The following RARB variants were observed in gnomAD, a reference collection of about 807,000 sequenced individuals.
RARB encodes retinoic acid receptor beta, also known as HBV-activated protein.
Under a neutral mutation model 51.9 loss-of-function variants are expected in RARB, and 17 were observed. The ratio of observed to expected loss-of-function variants is 0.33; its 90% CI spans 0.22 to 0.49. The LOEUF is 0.49. Ranked by LOEUF, RARB falls within the 20% of genes least tolerant of loss-of-function variation. RARB has a pLI of 0.99. For missense variants in RARB, 369 were observed against 550.8 expected (o/e 0.67, Z 3.30); for synonymous variants, 215 against 195.4 (o/e 1.10, Z -0.84).
chr3:25,556,020 A>ATTTTTTTTTT (rs1353884247), intron 3 of RARB, among the ~76,000 whole-genome samples: 1 of 131,838 alleles, frequency 7.6e-6, no homozygotes, highest in African/African-American at 2.7e-5. Context: ...TTTTTTTTTG[A>ATTTTTTTTTT]CCCCTTAGCA....
rs554081744 is a variant in RARB at position 24,857,645 on chromosome 3, G to A, written c.-458-1029G>A. Among the ~76,000 whole-genome samples the A allele has an allele frequency of 2.4e-4, 37 of 152,308 alleles. 1 individual carries two copies. In the South Asian group the frequency reaches 7.7e-3, roughly 32 times the overall value. The stretch of plus-strand genomic sequence containing the variant: ...CTAATGCTGTTTCGACTTCAGTGCA[G>A]TAGCTCACACCAGTAATCCCACCAC... On this transcript the variant is annotated intron_variant, in intron 1 of 11. Coordinates refer to the RARB transcript ENST00000383772.
At chr3:25,238,296 C>T (rs1702351662) in intron 5 of RARB, among the ~76,000 whole-genome samples, 2 of 152,062 alleles carry the variant, frequency 1.3e-5, no homozygotes, top group Admixed American at 1.3e-4. Context: ...AACATAAGGA[C>T]CTCCAATTCC....
chr3:25,081,615 ATATATATTTTTTTTTTTT>A (rs1699002625), intron 3 of RARB, among the ~76,000 whole-genome samples: 2 of 10,354 alleles, frequency 1.9e-4, no homozygotes, highest in South Asian at 4.8e-3. Context: ...ATATATATAT[ATATATATTTTTTTTTTTT>A]TTTTTTTTTT....
chr3:25,465,142 C>G (rs1184684702), intron 2 of RARB, among the ~76,000 whole-genome samples: 1 of 152,078 alleles, frequency 6.6e-6, no homozygotes, highest in African/African-American at 2.4e-5. Flanking sequence ...TGCCAGAATA[C>G]CCCGTAGAAA....
chr3:25,558,104 G>C (rs1310159831), intron 3 of RARB, among the ~76,000 whole-genome samples: 1 of 152,126 alleles, frequency 6.6e-6, no homozygotes, highest in Non-Finnish European at 1.5e-5. Context: ...CAGCCTTTTT[G>C]TGTTTGTAAA....
chr3:25,307,415 A>G (rs1209337289), intron 5 of RARB, among the ~76,000 whole-genome samples: 1 of 151,974 alleles, frequency 6.6e-6, no homozygotes, highest in Admixed American at 6.6e-5. Context: ...TAATATGGCC[A>G]TGTAAGTTCT....
chr3:25,228,225 T>G (rs925956470), intron 5 of RARB, among the ~76,000 whole-genome samples: 1 of 126,588 alleles, frequency 7.9e-6, no homozygotes, highest in Admixed American at 7.6e-5. Flanking sequence ...GGGTTTTTTT[T>G]TTTTTTTTTT....
chr3:24,867,835 A>G (rs1024744200), intron 2 of RARB, among the ~76,000 whole-genome samples: 1 of 152,198 alleles, frequency 6.6e-6, no homozygotes, highest in African/African-American at 2.4e-5. Context: ...CACAAAAACA[A>G]CAAAAGGAAA....
At chr3:25,354,921 A>G (rs889943679) in intron 5 of RARB, among the ~76,000 whole-genome samples, 1 of 151,276 alleles carries the variant, frequency 6.6e-6, no homozygotes, top group Non-Finnish European at 1.5e-5. Flanking sequence ...CCAGCATAGC[A>G]TAACACAGAA....
chr3:25,048,752 CTTTTTTT>C (rs34598308), intron 2 of RARB, among the ~76,000 whole-genome samples: 1 of 108,408 alleles, frequency 9.2e-6, no homozygotes, highest in Non-Finnish European at 1.7e-5. Flanking sequence ...ATTAAGCCCA[CTTTTTTT>C]TTTTTTTTTT....
intron 3 of RARB, among the ~76,000 whole-genome samples, chr3:25,551,785 T>A (rs1261278695): frequency 1.3e-5 from 2 of 152,062 alleles, no homozygotes; most frequent in African/African-American, 4.8e-5. Context: ...GCCAGATAGG[T>A]CTTGTGGGGA....
chr3:25,244,718 T>C (rs982518050), intron 5 of RARB, among the ~76,000 whole-genome samples: 1 of 152,184 alleles, frequency 6.6e-6, no homozygotes, highest in Non-Finnish European at 1.5e-5. Flanking sequence ...TGCTGAGGCA[T>C]GTTTTACTTC....
chr3:25,238,156 C>CA (rs372680571), intron 5 of RARB, among the ~76,000 whole-genome samples: 2 of 151,866 alleles, frequency 1.3e-5, no homozygotes, highest in African/African-American at 4.8e-5. Context: ...CAGCGCCCCC[C>CA]CACACATCCT....
At chr3:24,917,868 C>T (rs533220112) in intron 2 of RARB, among the ~76,000 whole-genome samples, 5 of 152,276 alleles carry the variant, frequency 3.3e-5, no homozygotes, top group African/African-American at 9.6e-5. Context: ...CTACTTCACA[C>T]CCACTAGAAT....
chr3:25,231,028 A>T (rs923100822), intron 5 of RARB, among the ~76,000 whole-genome samples: 1 of 152,158 alleles, frequency 6.6e-6, no homozygotes, highest in Non-Finnish European at 1.5e-5. Context: ...GGAAAATAAG[A>T]AAATCTTAAC....
rs932849587 is a variant in RARB, at chr3:25,596,531, G to C, written c.1262G>C (p.Ser421Thr). Reference protein sequence around the residue: ...EGHEPLTPSSSGNTAEHSPSI... With the variant: ...EGHEPLTPSSTGNTAEHSPSI... ...CATGAACCCTTGACCCCAAGTTCAA[G>C]TGGGAACACAGCAGAGCACAGTCCT... Residue 421 changes from serine (S) to threonine (T), a missense_variant, in exon 8 of 8, where the codon AGT becomes ACT. Ser to Thr is a moderately conservative substitution (Grantham distance 58). Coordinates refer to ENST00000330688, the MANE Select transcript of RARB (RefSeq NM_000965.5). 6.2e-7 allele frequency: 1 copy of C among 1,613,862 alleles called. No individual in the cohort carries two copies. Among genetic ancestry groups the C allele is most frequent in the Non-Finnish European group, 8.5e-7 (1 of 1,179,790 alleles).
rs35710364 is a variant in RARB at position 25,156,516 on chromosome 3, C to CAAAAAAAAAAAAA, written c.-279-17584_-279-17572dup. 7.0e-5 allele frequency among the ~76,000 whole-genome samples: 4 copies of CAAAAAAAAAAAAA among 56,810 alleles called. 1 individual carries two copies. Among genetic ancestry groups the CAAAAAAAAAAAAA allele is most frequent in the Admixed American group, 2.7e-4 (1 of 3,740 alleles). 37.3% of individuals were successfully genotyped at this position (56,810 alleles called of 152,430 possible). A position where few individuals can be genotyped will look rare whatever the true frequency, so the allele number is the denominator to read the frequency against. ...ATCACACAAATTCTAGCCCCAACTG[C>CAAAAAAAAAAAAA]AAAAAAAAAAAAAAAAAAAAAAAAA... On this transcript the variant is annotated intron_variant, in intron 4 of 11. Transcript: ENST00000383772.
chr3:25,355,657 G>A (rs746846100), intron 5 of RARB, among the ~76,000 whole-genome samples: 6 of 152,084 alleles, frequency 3.9e-5, no homozygotes, highest in Non-Finnish European at 7.4e-5. Context: ...AAGTCATCAG[G>A]ATGTTCATGA....
intron 2 of RARB, among the ~76,000 whole-genome samples, chr3:25,480,413 A>C (rs1239842354): frequency 6.6e-6 from 1 of 151,874 alleles, no homozygotes; most frequent in South Asian, 2.1e-4. Flanking sequence ...AAGTCTGTGA[A>C]CCTCCCGGTT....
Sources: gnomAD v4.1 joint callset for allele counts (sites outside exome capture counted in the v4.1 genomes callset) on GRCh38, gnomAD v4.1.1 for gene constraint, MANE v1.5 for transcripts, NCBI Gene and HGNC (gene_info 2026-07-23, HGNC 2026-07-21) for gene names.